Variants in NDUFB2 observed in about 807,000 individuals in gnomAD.
The protein encoded by NDUFB2 is NADH dehydrogenase [ubiquinone] 1 beta subcomplex subunit 2, mitochondrial.
A neutral mutation model predicts 13.4 loss-of-function variants in NDUFB2; 13 were observed. The ratio of observed to expected loss-of-function variants is 0.97; its 90% CI spans 0.63 to 1.54. The LOEUF is 1.54. Among genes scored for constraint, NDUFB2 ranks in the 40% most tolerant of loss-of-function variants. NDUFB2 has a pLI of 0.00. For missense variants in NDUFB2, 150 were observed against 139.7 expected, an observed-to-expected ratio of 1.07 and a Z score of -0.37; for synonymous variants, 47 against 50.6, an observed-to-expected ratio of 0.93 and a Z score of 0.30.
At chr7:140,706,109 T>TGTTATGTTATGTTATGTTATGTTA (rs74407883) in intron 3 of NDUFB2, 4 of 151,820 alleles carry the variant, frequency 2.6e-5, no homozygotes, top group African/African-American at 9.7e-5. Flanking sequence ...TGTTATGTTA[T>TGTTATGTTATGTTATGTTATGTTA]TTGAGACAGG....
At chr7:140,701,788 T>C in intron 1 of NDUFB2, 1 of 322,730 alleles carries the variant, frequency 3.1e-6, no homozygotes, top group East Asian at 5.0e-5. Context: ...AAACAAAAAT[T>C]AGCTGGGCAT....
intron 1 of NDUFB2, chr7:140,697,981 A>G: frequency 7.8e-7 from 1 of 1,286,850 alleles, no homozygotes. Context: ...AATACAGGCG[A>G]GCCACTGCGC....
At position 140,696,871 on chromosome 7, in the gene NDUFB2, C is replaced by T. The variant is rs768000393; in HGVS notation, c.98+29C>T. 9 of 1,572,382 alleles carry T rather than the reference C, an allele frequency of 5.7e-6. No individual in the cohort carries two copies. The African/African-American group carries it at 8.1e-5, about 14-fold the overall frequency. ...AGTGTGGGGCTGGGGATGGGGGCCT[C>T]GCCGGCCTGTAGCGGACAGCGCGGG... On this transcript the variant is annotated intron_variant, in intron 1 of 3. Coordinates refer to ENST00000247866, the MANE Select transcript of NDUFB2 (RefSeq NM_004546.3).
At chr7:140,704,756 C>A in intron 2 of NDUFB2, 104 bp from the exon 3 acceptor site, 1 of 752,118 alleles carries the variant, frequency 1.3e-6, no homozygotes, top group Non-Finnish European at 2.1e-6. Flanking sequence ...GGGGCTGAGC[C>A]ATATTGTTTT....
chr7:140,697,496 G>A, intron 1 of NDUFB2: 1 of 689,142 alleles, frequency 1.5e-6, no homozygotes, highest in Admixed American at 2.1e-5. Context: ...AGACCGGAGG[G>A]CGGAGGGCTG....
chr7:140,704,420 T>C (rs1395403584), intron 2 of NDUFB2, among the ~76,000 whole-genome samples: 1 of 152,172 alleles, frequency 6.6e-6, no homozygotes, highest in Non-Finnish European at 1.5e-5. Context: ...CTGTTAGGCC[T>C]GAGATGATGA....
At chr7:140,697,173 G>C (rs754919643) in intron 1 of NDUFB2, 24 of 597,662 alleles carry the variant, frequency 4.0e-5, no homozygotes, top group African/African-American at 9.6e-5. Flanking sequence ...AGGAAGCAGC[G>C]TGCGCGGCGG....
intron 1 of NDUFB2, chr7:140,697,109 C>G (rs997120902): frequency 2.4e-5 from 14 of 587,664 alleles, no homozygotes; most frequent in Non-Finnish European, 4.2e-5. Context: ...GAGACGCACG[C>G]GTGAATGCGG....
intron 1 of NDUFB2, chr7:140,701,804 C>T (rs1183977236): frequency 2.7e-6 from 1 of 372,120 alleles, no homozygotes; most frequent in South Asian, 5.7e-5. Flanking sequence ...GGCATGGTGG[C>T]GTACACCTGT....
chr7:140,705,621 T>C (rs1438937933), intron 3 of NDUFB2: 1 of 151,904 alleles, frequency 6.6e-6, no homozygotes, highest in East Asian at 1.9e-4. Flanking sequence ...CATTGTATAA[T>C]AAAAAAAAAT....
chr7:140,697,152 G>A (rs997842499), intron 1 of NDUFB2: 3 of 590,904 alleles, frequency 5.1e-6, no homozygotes, highest in Admixed American at 3.1e-5. Flanking sequence ...CGGCGCGGGC[G>A]GTCCAGGCGG....
intron 1 of NDUFB2, chr7:140,701,818 C>T (rs1585864451): frequency 2.4e-6 from 1 of 416,870 alleles, no homozygotes. Context: ...CACCTGTAGT[C>T]CCAGCTACTT....
intron 1 of NDUFB2, chr7:140,697,135 T>G: frequency 1.7e-6 from 1 of 589,026 alleles, no homozygotes; most frequent in Non-Finnish European, 3.0e-6. Context: ...GCTGAGCCAG[T>G]CGGCGCCGGC....
chr7:140,697,699 G>C (rs1317945554), intron 1 of NDUFB2, among the ~76,000 whole-genome samples: 1 of 152,206 alleles, frequency 6.6e-6, no homozygotes, highest in African/African-American at 2.4e-5. Context: ...CCGCACAGTG[G>C]CTGGGTTCAA....
At chr7:140,697,057 G>T in intron 1 of NDUFB2, 2 of 599,646 alleles carry the variant, frequency 3.3e-6, no homozygotes, top group East Asian at 5.6e-5. Context: ...ATGGGACACC[G>T]TGTGCAGGGC....
intron 1 of NDUFB2, chr7:140,702,435 G>T: frequency 4.4e-6 from 1 of 227,462 alleles, no homozygotes; most frequent in Non-Finnish European, 8.6e-6. Context: ...TCTCCCATAT[G>T]GTTGTCTTTT....
intron 1 of NDUFB2, chr7:140,698,074 G>C: frequency 7.5e-7 from 1 of 1,329,794 alleles, no homozygotes; most frequent in African/African-American, 1.5e-5. Context: ...TTGTTATTAA[G>C]GAACTGAGGC....
chr7:140,698,408 C>T, intron 1 of NDUFB2: 1 of 1,103,940 alleles, frequency 9.1e-7, no homozygotes, highest in Non-Finnish European at 1.2e-6. Context: ...ATGAAGTGTA[C>T]ATTCTGGAGA....
chr7:140,706,054 TTA>T (rs1339538378), intron 3 of NDUFB2: 1 of 136,990 alleles, frequency 7.3e-6, no homozygotes, highest in Non-Finnish European at 1.6e-5. Context: ...TTATGTTATG[TTA>T]TGTTTTATGT....
Sources: allele counts gnomAD v4.1 joint callset (sites outside exome capture counted in the v4.1 genomes callset), GRCh38; gene constraint gnomAD v4.1.1; transcripts MANE v1.5; gene names NCBI Gene and HGNC (gene_info 2026-07-23, HGNC 2026-07-21).